The following ANGPT1 variants were observed in gnomAD, a reference collection of about 807,000 sequenced individuals.
ANGPT1 encodes the protein angiopoietin-1.
In ANGPT1, 17 loss-of-function variants were observed where a neutral mutation model predicts 62.2. That is an observed-to-expected ratio of 0.27 (90% CI 0.19 to 0.41). The LOEUF (loss-of-function observed/expected upper bound fraction) is 0.41. Among genes scored for constraint, ANGPT1 ranks in the 10% least tolerant of loss-of-function variants. The probability of loss-of-function intolerance (pLI) is 1.00; values close to 1 mark genes in which losing one functional copy is unlikely to be tolerated. For synonymous variants in ANGPT1, 199 were observed against 198.9 expected, an observed-to-expected ratio of 1.00 and a Z score of 0.00; for missense variants, 478 against 594.9, an observed-to-expected ratio of 0.80 and a Z score of 2.04.
chr8:107,391,591 C>A (rs982116118), intron 1 of ANGPT1, among the ~76,000 whole-genome samples: 1 of 152,044 alleles, frequency 6.6e-6, no homozygotes, highest in African/African-American at 2.4e-5. Flanking sequence ...CGCTTGAACC[C>A]GAGAGGCTGA....
chr8:107,411,724 G>A (rs1421736940), intron 1 of ANGPT1, among the ~76,000 whole-genome samples: 1 of 152,154 alleles, frequency 6.6e-6, no homozygotes, highest in African/African-American at 2.4e-5. Flanking sequence ...AACTGACACA[G>A]CAAATAGGAG....
At chr8:107,372,709 G>A (rs1301559152) in intron 1 of ANGPT1, among the ~76,000 whole-genome samples, 2 of 151,804 alleles carry the variant, frequency 1.3e-5, no homozygotes, top group Middle Eastern at 3.2e-3. Flanking sequence ...TTAGAATGCA[G>A]GTCTATGACC....
At chr8:107,323,742 A>T (rs1429903283) in intron 3 of ANGPT1, among the ~76,000 whole-genome samples, 1 of 151,934 alleles carries the variant, frequency 6.6e-6, no homozygotes, top group Non-Finnish European at 1.5e-5. Flanking sequence ...TGTGTCAGGT[A>T]CTGTTTTTTT....
chr8:107,387,135 G>A (rs150963122), intron 1 of ANGPT1, among the ~76,000 whole-genome samples: 4 of 152,112 alleles, frequency 2.6e-5, no homozygotes, highest in East Asian at 1.9e-4. Context: ...CTAAGTAGTC[G>A]GGAAAGGCTC....
chr8:107,441,594 A>T (rs1811477150), intron 1 of ANGPT1, among the ~76,000 whole-genome samples: 1 of 152,190 alleles, frequency 6.6e-6, no homozygotes, highest in Non-Finnish European at 1.5e-5. Context: ...TTGCTGCTTC[A>T]TCACTAACAG....
At position 107,396,468 on chromosome 8, in the gene ANGPT1, A is replaced by G. The variant is rs78238069; in HGVS notation, c.298-49371T>C. Among the ~76,000 whole-genome samples, 1,180 of 151,750 alleles carry G rather than the reference A, an allele frequency of 7.8e-3. 17 individuals carry two copies. Among genetic ancestry groups the G allele is most frequent in the African/African-American group, 0.027 (1,107 of 41,374 alleles). On this transcript the variant is annotated intron_variant, in intron 1 of 8. Coordinates refer to ENST00000517746, the MANE Select transcript of ANGPT1 (RefSeq NM_001146.5). ...AGGACATTAAAATCAAACATAACTAAAACCCGTCCTTTTTAGTTAGCCTTT... is the reference window on the plus strand; with the variant it reads ...AGGACATTAAAATCAAACATAACTAGAACCCGTCCTTTTTAGTTAGCCTTT...
At chr8:107,370,799 A>T (rs1198449438) in intron 1 of ANGPT1, among the ~76,000 whole-genome samples, 7 of 151,816 alleles carry the variant, frequency 4.6e-5, no homozygotes, top group Non-Finnish European at 2.9e-5. Context: ...AAAAGAGGAA[A>T]ATAATCACTA....
intron 2 of ANGPT1, among the ~76,000 whole-genome samples, chr8:107,337,383 C>T (rs928807514): frequency 2.6e-5 from 4 of 152,096 alleles, no homozygotes; most frequent in Non-Finnish European, 4.4e-5. Flanking sequence ...CATCTTGAAT[C>T]ACAATGACCC....
At chr8:107,307,570 T>C (rs1039594480) in intron 4 of ANGPT1, among the ~76,000 whole-genome samples, 2 of 152,106 alleles carry the variant, frequency 1.3e-5, no homozygotes, top group African/African-American at 2.4e-5. Flanking sequence ...TTTGCCTATC[T>C]TTCCCCTCGC....
chr8:107,388,338 C>A (rs529829863), intron 1 of ANGPT1, among the ~76,000 whole-genome samples: 1 of 152,058 alleles, frequency 6.6e-6, no homozygotes, highest in Non-Finnish European at 1.5e-5. Context: ...TCACTTGAGC[C>A]CAAGAATTTT....
Position 107,497,403 on chromosome 8 carries a change from G to T in ANGPT1, c.156C>A (p.Gly52=), listed in dbSNP as rs148142982. ...GGTCTGTCGTACTCTCACGACAGTT[G>T]CCATCGTGTTCTGGAAGAATGAAAG... ...AYTFILPEHD[G]NCRESTTDQY... is the part of the protein sequence containing the mutation. Residue 52 remains glycine, a synonymous_variant, in exon 1 of 9, where the codon GGC becomes GGA. Coordinates refer to ENST00000517746, the MANE Select transcript of ANGPT1 (RefSeq NM_001146.5). 9,330 of 1,614,168 alleles carry T rather than the reference G, an allele frequency of 5.8e-3. 65 individuals carry two copies. The highest frequency in any genetic ancestry group is 5.9e-3 in the Non-Finnish European group (6,943 of 1,180,024).
At chr8:107,270,333 G>A (rs140781636) in intron 7 of ANGPT1, among the ~76,000 whole-genome samples, 1 of 152,130 alleles carries the variant, frequency 6.6e-6, no homozygotes, top group African/African-American at 2.4e-5. Context: ...TAAGGTCGTA[G>A]GTACTGACAA....
intron 5 of ANGPT1, among the ~76,000 whole-genome samples, chr8:107,300,898 T>C (rs570072870): frequency 1.3e-5 from 2 of 152,022 alleles, no homozygotes; most frequent in South Asian, 2.1e-4. Context: ...AAGGAGTAAA[T>C]TGGATTCTCC....
chr8:107,435,267 C>A (rs1034136492), intron 1 of ANGPT1, among the ~76,000 whole-genome samples: 1 of 152,084 alleles, frequency 6.6e-6, no homozygotes, highest in Non-Finnish European at 1.5e-5. Flanking sequence ...TCATACCCCC[C>A]AAAAGCTGTT....
chr8:107,341,810 G>T (rs1815701956), intron 2 of ANGPT1, among the ~76,000 whole-genome samples: 1 of 151,942 alleles, frequency 6.6e-6, no homozygotes, highest in Non-Finnish European at 1.5e-5. Context: ...GCAACCCAGA[G>T]AGTCTATCTC....
At chr8:107,458,609 T>C (rs962674093) in intron 1 of ANGPT1, among the ~76,000 whole-genome samples, 10 of 152,150 alleles carry the variant, frequency 6.6e-5, no homozygotes, top group African/African-American at 9.7e-5. Flanking sequence ...AATATATATA[T>C]TTTTAGATTC....
Position 107,402,117 on chromosome 8 carries a change from T to C in ANGPT1, c.298-55020A>G, listed in dbSNP as rs139480104. Among the ~76,000 whole-genome samples, 81 of 152,312 alleles carry C rather than the reference T, an allele frequency of 5.3e-4. No homozygotes were observed. In the East Asian group the frequency reaches 0.014, roughly 27 times the overall value. ...TGGCTGAAGAATGGGACTAAAAAAC[T>C]ATAAAAACTCATCACTTCTGAAGAT... On this transcript the variant is annotated intron_variant, in intron 1 of 8. Transcript: ENST00000517746.
chr8:107,295,218 C>A (rs1275137467), intron 5 of ANGPT1: 1 of 152,110 alleles, frequency 6.6e-6, no homozygotes, highest in Non-Finnish European at 1.5e-5. Flanking sequence ...CCAAGGCTCT[C>A]GCCCTACTTT....
intron 1 of ANGPT1, among the ~76,000 whole-genome samples, chr8:107,397,527 G>T (rs1213787668): frequency 1.3e-5 from 2 of 152,004 alleles, no homozygotes; most frequent in African/African-American, 4.8e-5. Context: ...GCTGTTTCAT[G>T]AACAGAACTT....
Sources: allele counts gnomAD v4.1 joint callset (sites outside exome capture counted in the v4.1 genomes callset), GRCh38; gene constraint gnomAD v4.1.1; transcripts MANE v1.5; gene names NCBI Gene and HGNC (gene_info 2026-07-23, HGNC 2026-07-21).